The following PLXDC2 variants were observed in gnomAD, a reference collection of about 807,000 sequenced individuals.
PLXDC2 encodes plexin domain-containing protein 2.
In PLXDC2, 40 loss-of-function variants were observed where a neutral mutation model predicts 68.9. That is an observed-to-expected ratio of 0.58 (90% CI 0.45 to 0.76). PLXDC2 has a LOEUF of 0.76. Among genes scored for constraint, PLXDC2 ranks in the 30% least tolerant of loss-of-function variants. PLXDC2 has a pLI of 0.00. For synonymous variants in PLXDC2, 243 were observed against 234.2 expected, an observed-to-expected ratio of 1.04 and a Z score of -0.34; for missense variants, 644 against 661.9, an observed-to-expected ratio of 0.97 and a Z score of 0.30.
chr10:20,124,117 T>C (rs2460576), intron 4 of PLXDC2, among the ~76,000 whole-genome samples: 139,997 of 152,080 alleles, frequency 0.92, 64,594 homozygotes, highest in African/African-American at 0.96. Flanking sequence ...CAAAGGCAGG[T>C]GTCCCTGCAT....
At chr10:19,959,633 G>A (rs561858654) in intron 1 of PLXDC2, among the ~76,000 whole-genome samples, 1 of 152,302 alleles carries the variant, frequency 6.6e-6, no homozygotes, top group East Asian at 1.9e-4. Flanking sequence ...ATATCACAGT[G>A]TAGAGTAAAT....
chr10:19,921,519 T>G (rs1046646500), intron 1 of PLXDC2, among the ~76,000 whole-genome samples: 1 of 152,224 alleles, frequency 6.6e-6, no homozygotes, highest in African/African-American at 2.4e-5. Context: ...GCACAGACTC[T>G]CAGATGATTA....
intron 13 of PLXDC2, among the ~76,000 whole-genome samples, chr10:20,254,090 C>G (rs1012002223): frequency 6.6e-6 from 1 of 152,154 alleles, no homozygotes. Context: ...TCACCCCGGC[C>G]CTATAGCCTG....
Position 20,058,981 on chromosome 10 carries a change from A to G in PLXDC2, c.472-9189A>G, listed in dbSNP as rs532071857. Among the ~76,000 whole-genome samples the G allele has an allele frequency of 5.4e-4, 83 of 152,306 alleles. No homozygotes were observed. The South Asian group carries it at 0.016, about 30-fold the overall frequency. ...TTGGAGTTTCAAAGGCCACTTATAT[A>G]ACAGAGCTTTGTTACTCAAAGTGGG... On this transcript the variant is annotated intron_variant, in intron 3 of 13. Coordinates refer to ENST00000377252, the MANE Select transcript of PLXDC2 (RefSeq NM_032812.9).
intron 1 of PLXDC2, among the ~76,000 whole-genome samples, chr10:19,875,317 C>T (rs977596993): frequency 6.6e-6 from 1 of 152,046 alleles, no homozygotes; most frequent in Non-Finnish European, 1.5e-5. Flanking sequence ...GACTGTGTCA[C>T]AAAAAGTAGG....
intron 2 of PLXDC2, among the ~76,000 whole-genome samples, chr10:20,013,948 T>C (rs532902348): frequency 7.2e-5 from 11 of 152,286 alleles, no homozygotes; most frequent in Admixed American, 6.5e-4. Context: ...AGGAAACAAC[T>C]ATGAATAAAT....
chr10:20,230,719 A>AAAACAGTG (rs1342447789), intron 12 of PLXDC2, among the ~76,000 whole-genome samples: 5 of 148,350 alleles, frequency 3.4e-5, no homozygotes, highest in Admixed American at 1.3e-4. Context: ...AAAAAACAGG[A>AAAACAGTG]AAACAGTGTC....
intron 1 of PLXDC2, among the ~76,000 whole-genome samples, chr10:19,934,561 A>G (rs1281821811): frequency 6.6e-6 from 1 of 152,206 alleles, no homozygotes; most frequent in Non-Finnish European, 1.5e-5. Context: ...AAGTCTTGTT[A>G]ATAGTCTTGG....
At chr10:20,189,939 A>T (rs1329331158) in intron 9 of PLXDC2, among the ~76,000 whole-genome samples, 1 of 151,780 alleles carries the variant, frequency 6.6e-6, no homozygotes, top group Admixed American at 6.6e-5. Flanking sequence ...ATAGGTGCTT[A>T]AGCCAAGTTC....
intron 1 of PLXDC2, among the ~76,000 whole-genome samples, chr10:19,980,679 A>T (rs1387358626): frequency 1.3e-5 from 2 of 152,232 alleles, no homozygotes; most frequent in East Asian, 3.8e-4. Context: ...GTTAGTCAAG[A>T]TTATAAGCAG....
intron 13 of PLXDC2, among the ~76,000 whole-genome samples, chr10:20,245,808 C>A (rs1202442703): frequency 6.6e-6 from 1 of 152,092 alleles, no homozygotes. Context: ...GTATGTTAAC[C>A]AGCTGTTCTC....
intron 1 of PLXDC2, among the ~76,000 whole-genome samples, chr10:19,978,479 A>G (rs1172356772): frequency 1.3e-5 from 2 of 152,206 alleles, no homozygotes; most frequent in East Asian, 1.9e-4. Flanking sequence ...TTACTTGTAT[A>G]GAAATATTCT....
chr10:20,128,679 A>G (rs1462854157), intron 4 of PLXDC2, among the ~76,000 whole-genome samples: 1 of 152,094 alleles, frequency 6.6e-6, no homozygotes, highest in African/African-American at 2.4e-5. Context: ...CCCCACTTCT[A>G]GCAGCCACCA....
intron 1 of PLXDC2, among the ~76,000 whole-genome samples, chr10:19,919,256 T>G (rs1833419395): frequency 6.6e-6 from 1 of 152,254 alleles, no homozygotes; most frequent in African/African-American, 2.4e-5. Context: ...AAAATCCATC[T>G]TATAAACACT....
chr10:20,043,216 A>T (rs1180140861), intron 2 of PLXDC2: 1 of 152,196 alleles, frequency 6.6e-6, no homozygotes, highest in Non-Finnish European at 1.5e-5. Flanking sequence ...TAAGTAAACA[A>T]TAAATTGTCT....
intron 9 of PLXDC2, among the ~76,000 whole-genome samples, chr10:20,207,063 T>C (rs1259495783): frequency 6.6e-6 from 1 of 152,160 alleles, no homozygotes; most frequent in African/African-American, 2.4e-5. Context: ...CTCTAAAAAA[T>C]GCTAAAATGG....
At chr10:19,900,197 T>C (rs747817050) in intron 1 of PLXDC2, among the ~76,000 whole-genome samples, 1 of 152,140 alleles carries the variant, frequency 6.6e-6, no homozygotes, top group African/African-American at 2.4e-5. Flanking sequence ...CACAATAAGA[T>C]TGAAGTACAA....
rs116272683 is a variant in PLXDC2, at chr10:20,176,028, G to A, written c.884-971G>A. Among the ~76,000 whole-genome samples the A allele has an allele frequency of 8.7e-3, 1,324 of 152,136 alleles. 19 individuals are homozygous for A. The highest frequency in any genetic ancestry group is 0.03 in the African/African-American group (1,238 of 41,526). On this transcript the variant is annotated intron_variant, in intron 7 of 13. Coordinates refer to ENST00000377252, the MANE Select transcript of PLXDC2 (RefSeq NM_032812.9). ...GATTTTAAGTATATTTAAATGTTTTGTTGTGGTTTGATGTTAAAATATGTT... is the reference window on the plus strand; with the variant it reads ...GATTTTAAGTATATTTAAATGTTTTATTGTGGTTTGATGTTAAAATATGTT...
At chr10:19,969,224 C>G (rs1046502045) in intron 1 of PLXDC2, among the ~76,000 whole-genome samples, 5 of 152,196 alleles carry the variant, frequency 3.3e-5, no homozygotes, top group African/African-American at 1.2e-4. Context: ...GAAGGTTTCT[C>G]TGTTGCATTT....
Sources: gnomAD v4.1 joint callset for allele counts (sites outside exome capture counted in the v4.1 genomes callset) on GRCh38, gnomAD v4.1.1 for gene constraint, MANE v1.5 for transcripts, NCBI Gene and HGNC (gene_info 2026-07-23, HGNC 2026-07-21) for gene names.